Variants in LRRC37A2 observed in about 807,000 individuals in gnomAD.
LRRC37A2 encodes leucine rich repeat containing 37 member A2.
A neutral mutation model predicts 68.8 loss-of-function variants in LRRC37A2; 9 were observed. The ratio of observed to expected loss-of-function variants is 0.13; its 90% confidence interval spans 0.08 to 0.23. LRRC37A2 has a LOEUF of 0.23. Among genes scored for constraint, LRRC37A2 ranks in the 10% least tolerant of loss-of-function variants. The pLI is 1.00. For missense variants in LRRC37A2, 168 were observed against 950.4 expected (o/e 0.18, Z 10.82); for synonymous variants, 63 against 367.6 (o/e 0.17, Z 9.48).
the LRRC37A2 span, among the ~76,000 whole-genome samples, chr17:47,025,016 T>C: frequency 1.2e-4 from 18 of 151,594 alleles, no homozygotes; most frequent in African/African-American, 4.4e-4. Flanking sequence ...AACCTTGTTT[T>C]ATAAGGGTTC....
the LRRC37A2 span, chr17:46,763,225 T>G: frequency 6.6e-6 from 1 of 152,338 alleles, no homozygotes. Context: ...ATCTCTTCTT[T>G]CTGATTCTCC....
the LRRC37A2 span, among the ~76,000 whole-genome samples, chr17:46,796,499 A>G: frequency 6.6e-6 from 1 of 152,196 alleles, no homozygotes; most frequent in Non-Finnish European, 1.5e-5. Context: ...GAGGCTGAAG[A>G]CTTAACCACA....
chr17:46,861,028 A>G, the LRRC37A2 span, among the ~76,000 whole-genome samples: 9 of 152,086 alleles, frequency 5.9e-5, no homozygotes, highest in African/African-American at 2.2e-4. Context: ...CTGGCCAGTT[A>G]TCCTCATTTA....
At chr17:46,757,852 G>A in the LRRC37A2 span, among the ~76,000 whole-genome samples, 2 of 152,048 alleles carry the variant, frequency 1.3e-5, no homozygotes, top group African/African-American at 4.8e-5. Context: ...AAAACAGCCG[G>A]GTGTGGTGGC....
At chr17:47,024,375 T>C in the LRRC37A2 span, among the ~76,000 whole-genome samples, 1 of 152,164 alleles carries the variant, frequency 6.6e-6, no homozygotes, top group Admixed American at 6.6e-5. Context: ...CTGCTGATCT[T>C]GGTGCCACCC....
At chr17:46,891,918 C>CTTTTCT in the LRRC37A2 span, among the ~76,000 whole-genome samples, 12 of 71,814 alleles carry the variant, frequency 1.7e-4, no homozygotes, top group Middle Eastern at 8.5e-3. Flanking sequence ...CTTTTCTTTT[C>CTTTTCT]TTTTTTTTTT....
At chr17:46,721,644 C>T in the LRRC37A2 span, 5 of 1,595,862 alleles carry the variant, frequency 3.1e-6, no homozygotes, top group Non-Finnish European at 4.3e-6. Context: ...TTATAGACAC[C>T]AGAAAAAGTT....
chr17:46,792,141 G>A, the LRRC37A2 span, among the ~76,000 whole-genome samples: 5 of 152,174 alleles, frequency 3.3e-5, no homozygotes, highest in African/African-American at 9.7e-5. Flanking sequence ...ATGTGTGTTC[G>A]ACACAAAAGG....
the LRRC37A2 span, among the ~76,000 whole-genome samples, chr17:46,772,838 C>T: frequency 6.0e-5 from 9 of 151,120 alleles, no homozygotes; most frequent in African/African-American, 2.2e-4. Context: ...GTATAGGCAG[C>T]TCTCATTCAT....
the LRRC37A2 span, among the ~76,000 whole-genome samples, chr17:46,742,547 C>G: frequency 3.3e-5 from 5 of 152,094 alleles, no homozygotes; most frequent in Admixed American, 3.3e-4. Flanking sequence ...GCGATCCAAA[C>G]TGGAGGAGGG....
chr17:46,885,759 A>G, the LRRC37A2 span: 1 of 152,332 alleles, frequency 6.6e-6, no homozygotes, highest in Non-Finnish European at 1.5e-5. Flanking sequence ...GTCTTGCCAT[A>G]GCAGGCTTCC....
the LRRC37A2 span, chr17:46,875,428 G>A: frequency 2.7e-6 from 4 of 1,492,080 alleles, no homozygotes; most frequent in Non-Finnish European, 2.7e-6. Flanking sequence ...GGGGAGCATG[G>A]CTTGAAGGAG....
chr17:46,972,727 G>A, the LRRC37A2 span, among the ~76,000 whole-genome samples: 1 of 152,162 alleles, frequency 6.6e-6, no homozygotes, highest in Non-Finnish European at 1.5e-5. Context: ...ACTGGCTGAC[G>A]CTGGCTACCC....
chr17:46,825,811 G>T, the LRRC37A2 span, among the ~76,000 whole-genome samples: 1 of 152,208 alleles, frequency 6.6e-6, no homozygotes, highest in Admixed American at 6.5e-5. Flanking sequence ...ATCACCTGAG[G>T]TCAGGGGTTT....
At chr17:46,958,544 G>A in the LRRC37A2 span, among the ~76,000 whole-genome samples, 11 of 152,324 alleles carry the variant, frequency 7.2e-5, no homozygotes, top group Admixed American at 3.9e-4. Context: ...CCTTAGAGAC[G>A]TCTGTGTGAG....
the LRRC37A2 span, chr17:46,872,884 A>G: frequency 5.7e-5 from 74 of 1,307,988 alleles, no homozygotes; most frequent in Non-Finnish European, 7.3e-5. Flanking sequence ...CCCAGGCCAC[A>G]CTGCCCTTCC....
At chr17:46,904,072 T>C in the LRRC37A2 span, among the ~76,000 whole-genome samples, 1 of 149,702 alleles carries the variant, frequency 6.7e-6, no homozygotes, top group Non-Finnish European at 1.5e-5. Context: ...GGTGAGTGAC[T>C]GGGTAGATGA....
the LRRC37A2 span, among the ~76,000 whole-genome samples, chr17:46,880,259 C>G: frequency 6.6e-6 from 1 of 152,232 alleles, no homozygotes. Context: ...GGCAGACAGA[C>G]AGCCCCATGC....
the LRRC37A2 span, among the ~76,000 whole-genome samples, chr17:46,829,102 C>T: frequency 6.6e-6 from 1 of 152,160 alleles, no homozygotes; most frequent in Non-Finnish European, 1.5e-5. Context: ...ACAACTTTTT[C>T]AATATACTGG....
Sources: gnomAD v4.1 joint callset for allele counts (sites outside exome capture counted in the v4.1 genomes callset) on GRCh38, gnomAD v4.1.1 for gene constraint, MANE v1.5 for transcripts, NCBI Gene and HGNC (gene_info 2026-07-23, HGNC 2026-07-21) for gene names.